KIF26B: variants seen among roughly 807,000 people sequenced by gnomAD.
The protein encoded by KIF26B is kinesin family member 26B.
A neutral mutation model predicts 151.2 loss-of-function variants in KIF26B; 63 were observed. That is an observed-to-expected ratio of 0.42 (90% confidence interval 0.34 to 0.51). KIF26B has a LOEUF of 0.51. KIF26B is among the 20% of genes least tolerant of loss of function. KIF26B has a pLI of 0.07. For synonymous variants in KIF26B, 1,357 were observed against 1,262.1 expected (o/e 1.08, Z -1.59); for missense variants, 2,813 against 2,913.6 (o/e 0.97, Z 0.79).
chr1:245,625,846 C>G (rs890323420), intron 9 of KIF26B, among the ~76,000 whole-genome samples: 1 of 150,740 alleles, frequency 6.6e-6, no homozygotes, highest in African/African-American at 2.4e-5. Flanking sequence ...CCATTCTCCT[C>G]TCTACCTGCA....
chr1:245,257,008 A>G (rs1397459011), intron 2 of KIF26B, among the ~76,000 whole-genome samples: 3 of 152,196 alleles, frequency 2.0e-5, no homozygotes, highest in Admixed American at 2.0e-4. Flanking sequence ...TCTGATAAGA[A>G]ACATTTACCA....
At chr1:245,583,310 G>A (rs1401833883) in intron 5 of KIF26B, among the ~76,000 whole-genome samples, 1 of 152,150 alleles carries the variant, frequency 6.6e-6, no homozygotes, top group South Asian at 2.1e-4. Context: ...GTGGAGATGA[G>A]TAACACACAG....
chr1:245,365,510 A>ACCCC (rs1672924671), intron 2 of KIF26B, among the ~76,000 whole-genome samples: 1 of 142,682 alleles, frequency 7.0e-6, no homozygotes, highest in African/African-American at 2.9e-5. Flanking sequence ...ACTGCCTCAC[A>ACCCC]ACTCCCCCCC....
chr1:245,379,342 G>A (rs1415945789), intron 3 of KIF26B, among the ~76,000 whole-genome samples: 5 of 152,178 alleles, frequency 3.3e-5, no homozygotes, highest in Admixed American at 6.5e-5. Context: ...AGGAGGGAAA[G>A]CAGCAAATAG....
chr1:245,452,827 A>T (rs1032564858), intron 4 of KIF26B, among the ~76,000 whole-genome samples: 1 of 152,120 alleles, frequency 6.6e-6, no homozygotes, highest in African/African-American at 2.4e-5. Context: ...TATATTCTGG[A>T]TACAAACATT....
chr1:245,193,485 C>T (rs1206346351), intron 2 of KIF26B, among the ~76,000 whole-genome samples: 3 of 150,108 alleles, frequency 2.0e-5, no homozygotes, highest in South Asian at 2.1e-4. Context: ...TTAAATAAAC[C>T]GGAAAGCTTA....
At chr1:245,652,950 T>C (rs1026757841) in intron 10 of KIF26B, among the ~76,000 whole-genome samples, 2 of 152,224 alleles carry the variant, frequency 1.3e-5, no homozygotes, top group African/African-American at 4.8e-5. Flanking sequence ...CCTTTTGGCC[T>C]TTCAAGTGTA....
chr1:245,681,264 CA>C (rs2044434149), intron 10 of KIF26B, among the ~76,000 whole-genome samples: 1 of 150,034 alleles, frequency 6.7e-6, no homozygotes, highest in African/African-American at 2.5e-5. Context: ...GGCTGAAGTG[CA>C]GTGGCGCGAT....
intron 12 of KIF26B, among the ~76,000 whole-genome samples, chr1:245,691,260 A>G (rs1284554145): frequency 1.3e-5 from 2 of 152,270 alleles, no homozygotes; most frequent in Admixed American, 6.5e-5. Context: ...CTTGGCGAGC[A>G]GGCAGCAGGC....
intron 9 of KIF26B, among the ~76,000 whole-genome samples, chr1:245,640,143 C>CTATATATATATATA (rs1166040223): frequency 1.6e-4 from 5 of 31,898 alleles, no homozygotes; most frequent in African/African-American, 5.6e-4. Flanking sequence ...CTCTCTCTCT[C>CTATATATATATATA]TATATATATA....
chr1:245,522,680 A>G (rs1661154813), intron 4 of KIF26B, among the ~76,000 whole-genome samples: 1 of 152,150 alleles, frequency 6.6e-6, no homozygotes, highest in Non-Finnish European at 1.5e-5. Context: ...TTTTTTGACT[A>G]GAAACGAGAC....
At chr1:245,292,223 A>G (rs903927526) in intron 2 of KIF26B, among the ~76,000 whole-genome samples, 7 of 152,156 alleles carry the variant, frequency 4.6e-5, no homozygotes, top group African/African-American at 7.2e-5. Context: ...TATTTGTTCA[A>G]ATCTTGAGTG....
intron 4 of KIF26B, among the ~76,000 whole-genome samples, chr1:245,479,212 A>G (rs946733722): frequency 1.3e-5 from 2 of 151,878 alleles, no homozygotes; most frequent in East Asian, 1.9e-4. Flanking sequence ...TAAGGCTCCC[A>G]TTTATTCAAA....
rs115470686 is a variant in KIF26B at position 245,392,006 on chromosome 1, A to G, written c.999+24639A>G. ...CATTTCGAGAGCAGAGTTACAGAAC[A>G]AGAAGGAGAGTTTTGGATGGAATTC... On this transcript the variant is annotated intron_variant, in intron 3 of 14. Transcript: ENST00000407071. 8.6e-3 allele frequency among the ~76,000 whole-genome samples: 1,304 copies of G among 152,096 alleles called. 18 individuals carry two copies. The highest frequency in any genetic ancestry group is 0.03 in the African/African-American group (1,229 of 41,516).
intron 2 of KIF26B, among the ~76,000 whole-genome samples, chr1:245,267,674 AC>A (rs1670772625): frequency 6.7e-6 from 1 of 149,956 alleles, no homozygotes; most frequent in Non-Finnish European, 1.5e-5. Context: ...ACACACACAC[AC>A]ACACACACAA....
rs1670250972 is a variant in KIF26B at position 245,243,508 on chromosome 1, T to C, written c.465+86825T>C. On this transcript the variant is annotated intron_variant, in intron 2 of 14. Coordinates refer to ENST00000407071, the MANE Select transcript of KIF26B (RefSeq NM_018012.4). ...CACACATACATAAAAGGATCTTTTG[T>C]TGGCTATGTGCATAACGTGTTTCTC... 2.6e-5 allele frequency among the ~76,000 whole-genome samples: 4 copies of C among 152,030 alleles called. No homozygotes were observed. The South Asian group carries it at 8.3e-4, about 32-fold the overall frequency.
chr1:245,242,454 G>A (rs889428922), intron 2 of KIF26B, among the ~76,000 whole-genome samples: 6 of 152,170 alleles, frequency 3.9e-5, no homozygotes, highest in South Asian at 2.1e-4. Context: ...TCTCATTTGA[G>A]CTAGATATTC....
chr1:245,622,427 A>G (rs2103164325), intron 9 of KIF26B, among the ~76,000 whole-genome samples: 1 of 152,314 alleles, frequency 6.6e-6, no homozygotes, highest in South Asian at 2.1e-4. Context: ...TGGTTGCCGA[A>G]TATTTTCATC....
At chr1:245,302,984 G>C (rs1203628733) in intron 2 of KIF26B, among the ~76,000 whole-genome samples, 3 of 43,768 alleles carry the variant, frequency 6.9e-5, no homozygotes, top group Non-Finnish European at 1.0e-4. Context: ...GCAAGACTCT[G>C]TCTCAAAAAA....
Sources: gnomAD v4.1 joint callset for allele counts (sites outside exome capture counted in the v4.1 genomes callset) on GRCh38, gnomAD v4.1.1 for gene constraint, MANE v1.5 for transcripts, NCBI Gene and HGNC (gene_info 2026-07-23, HGNC 2026-07-21) for gene names.